The following CD109 variants were observed in gnomAD, a reference collection of about 807,000 sequenced individuals.
CD109 encodes CD109 molecule, also known as CD109 antigen.
CD109 carries 149 observed loss-of-function variants against 165.8 expected under a neutral mutation model. The ratio of observed to expected loss-of-function variants is 0.90; its 90% confidence interval spans 0.79 to 1.03. CD109 has a LOEUF of 1.03. Ranked by LOEUF, CD109 falls within the 50% of genes least tolerant of loss-of-function variation. The pLI is 0.00. For synonymous variants in CD109, 585 were observed against 592.1 expected, an observed-to-expected ratio of 0.99 and a Z score of 0.18; for missense variants, 1,712 against 1,677.8, an observed-to-expected ratio of 1.02 and a Z score of -0.36.
rs1355333159 is a variant in CD109 at position 73,787,227 on chromosome 6, C to T, written c.2338-7C>T. The T allele has an allele frequency of 4.5e-6, 7 of 1,570,846 alleles. No homozygotes were observed. Among genetic ancestry groups the T allele is most frequent in the Admixed American group, 1.7e-5 (1 of 57,742 alleles). Reference sequence around the variant, plus strand: ...TACAAAAGCTTTGATTTATTTTTTTCTTTCAGGTTAAGGTAATCATTGAGA... The same window carrying T: ...TACAAAAGCTTTGATTTATTTTTTTTTTTCAGGTTAAGGTAATCATTGAGA... On this transcript the variant is annotated splice_region_variant and splice_polypyrimidine_tract_variant and intron_variant, in intron 20 of 32. Coordinates refer to ENST00000287097, the MANE Select transcript of CD109 (RefSeq NM_133493.5).
chr6:73,756,507 C>A, intron 5 of CD109, 136 bp from the exon 6 acceptor site: 1 of 598,316 alleles, frequency 1.7e-6, no homozygotes, highest in Non-Finnish European at 2.9e-6. Flanking sequence ...TGAAAATAAA[C>A]AAGTTTGTTC....
intron 30 of CD109, among the ~76,000 whole-genome samples, chr6:73,816,988 A>C (rs1775959207): frequency 6.6e-6 from 1 of 152,182 alleles, no homozygotes; most frequent in African/African-American, 2.4e-5. Flanking sequence ...AGCCTGAAGA[A>C]GGGAAATGTT....
intron 2 of CD109, among the ~76,000 whole-genome samples, chr6:73,715,515 T>C (rs1771704362): frequency 7.1e-6 from 1 of 140,084 alleles, no homozygotes. Context: ...CAGTGAGCTA[T>C]GATTGCACCA....
intron 29 of CD109, among the ~76,000 whole-genome samples, chr6:73,812,537 C>T (rs1775790336): frequency 6.6e-6 from 1 of 151,942 alleles, no homozygotes; most frequent in African/African-American, 2.4e-5. Flanking sequence ...TAATGTCCTC[C>T]AATATGATTC....
At chr6:73,684,930 C>CT in the CD109 span, among the ~76,000 whole-genome samples, 1,787 of 138,346 alleles carry the variant, frequency 0.013, 26 homozygotes, top group African/African-American at 0.039. Flanking sequence ...ATTTTTTTTT[C>CT]TTTTTTTTTT....
chr6:73,796,327 T>C (rs1215471050), intron 23 of CD109, among the ~76,000 whole-genome samples: 2 of 152,150 alleles, frequency 1.3e-5, no homozygotes, highest in African/African-American at 4.8e-5. Flanking sequence ...GAGCTGGCTG[T>C]ATCTGGAACA....
chr6:73,785,307 T>C, intron 19 of CD109, 57 bp from the exon 20 acceptor site: 1 of 932,638 alleles, frequency 1.1e-6, no homozygotes, highest in Non-Finnish European at 1.7e-6. Context: ...TTTAATTGCA[T>C]AAAATGTGAA....
At position 73,813,684 on chromosome 6, in the gene CD109, T is replaced by A. The variant is rs572313154; in HGVS notation, c.3769-1297T>A. Among the ~76,000 whole-genome samples, 4 of 152,300 alleles carry A rather than the reference T, an allele frequency of 2.6e-5. No individual in the cohort carries two copies. In the South Asian group the frequency reaches 8.3e-4, roughly 32 times the overall value. On this transcript the variant is annotated intron_variant, in intron 29 of 32. Transcript: ENST00000287097. ...GCAGTAAATATTACCCTCTTTTGGG[T>A]AATAAAATACTAAACTGTTGGAAAT...
At chr6:73,687,282 C>A in the CD109 span, among the ~76,000 whole-genome samples, 5 of 152,102 alleles carry the variant, frequency 3.3e-5, no homozygotes, top group Non-Finnish European at 7.4e-5. Flanking sequence ...CATATTGCAG[C>A]ATCCTCCAAA....
intron 13 of CD109, among the ~76,000 whole-genome samples, chr6:73,767,470 AG>A (rs900417323): frequency 6.6e-6 from 1 of 152,162 alleles, no homozygotes; most frequent in Non-Finnish European, 1.5e-5. Flanking sequence ...ATGGGCATTT[AG>A]GTTGAGAATC....
At chr6:73,760,014 T>C (rs1411011145) in intron 7 of CD109, among the ~76,000 whole-genome samples, 1 of 152,128 alleles carries the variant, frequency 6.6e-6, no homozygotes, top group Non-Finnish European at 1.5e-5. Context: ...GAAGCCGCCG[T>C]TTACTGCTGT....
chr6:73,806,926 A>T lies in CD109; in HGVS notation c.3043A>T (p.Thr1015Ser), dbSNP rs143676607. The change falls in exon 25 of 33, where the codon ACT (threonine) becomes TCT (serine). Residue 1015 changes from threonine to serine, a missense_variant. Physicochemically the swap from Thr to Ser is moderately conservative, Grantham distance 58. Coordinates refer to ENST00000287097, the MANE Select transcript of CD109 (RefSeq NM_133493.5). ...TCAGAATGTGTTACACAGAACATAC[A>T]CTTGGCTTAAAGGACATCAGAAATC... ...IDQNVLHRTY[T>S]WLKGHQKSNG... 818 of 1,613,994 alleles carry T rather than the reference A, an allele frequency of 5.1e-4. 2 individuals are homozygous for T. In the African/African-American group the frequency reaches 7.7e-3, roughly 15 times the overall value.
chr6:73,738,085 A>C (rs962181000), intron 5 of CD109, among the ~76,000 whole-genome samples: 1 of 152,218 alleles, frequency 6.6e-6, no homozygotes, highest in African/African-American at 2.4e-5. Flanking sequence ...AATATGATAA[A>C]AATTAAATGA....
the CD109 span, among the ~76,000 whole-genome samples, chr6:73,683,147 C>G: frequency 6.6e-6 from 1 of 152,220 alleles, no homozygotes; most frequent in East Asian, 1.9e-4. Context: ...ATGGGATTTG[C>G]TTTTCTATTG....
intron 25 of CD109, 21 bp downstream of exon 25, chr6:73,807,093 T>C (rs2150294611): frequency 6.4e-7 from 1 of 1,567,456 alleles, no homozygotes; most frequent in Non-Finnish European, 8.8e-7. Flanking sequence ...TTTAATTTAA[T>C]AAATGATAGA....
chr6:73,736,830 T>C (rs1292755533), intron 5 of CD109, among the ~76,000 whole-genome samples: 1 of 152,252 alleles, frequency 6.6e-6, no homozygotes, highest in Non-Finnish European at 1.5e-5. Context: ...ACATAGCTAT[T>C]ATTTGGCAAA....
chr6:73,686,778 G>A, the CD109 span, among the ~76,000 whole-genome samples: 2 of 152,048 alleles, frequency 1.3e-5, no homozygotes, highest in African/African-American at 2.4e-5. Flanking sequence ...TGCAAACTCC[G>A]CCTCCCGGGT....
intron 2 of CD109, among the ~76,000 whole-genome samples, chr6:73,699,546 CT>C (rs200039867): frequency 6.6e-6 from 1 of 150,912 alleles, no homozygotes. Flanking sequence ...ATCAGTCTCT[CT>C]TTTTTTTTGC....
chr6:73,823,609 G>T lies in CD109; in HGVS notation c.4314G>T (p.Leu1438=), dbSNP rs750958416. 1.2e-6 allele frequency: 2 copies of T among 1,611,824 alleles called. No homozygotes were observed. The highest frequency in any genetic ancestry group is 2.2e-5 in the South Asian group (2 of 90,968). The change falls in exon 33 of 33, where the codon CTG becomes CTT. Residue 1438 remains leucine, a synonymous_variant. Coordinates refer to ENST00000287097, the MANE Select transcript of CD109 (RefSeq NM_133493.5). The stretch of plus-strand genomic sequence containing the variant: ...TTTTTATTTTCTGTTTCAAGCTTCT[G>T]TACTTTATGGAACTTTGGCTGTGAT... ...SVIFIFCFKL[L]YFMELWL
Sources: allele counts gnomAD v4.1 joint callset (sites outside exome capture counted in the v4.1 genomes callset), GRCh38; gene constraint gnomAD v4.1.1; transcripts MANE v1.5; gene names NCBI Gene and HGNC (gene_info 2026-07-23, HGNC 2026-07-21).